The following ELK4 variants were observed in gnomAD, a reference collection of about 807,000 sequenced individuals.
ELK4 encodes ETS domain-containing protein Elk-4.
ELK4 carries 16 observed loss-of-function variants against 29.6 expected under a neutral mutation model. The observed-to-expected ratio is 0.54, with a 90% confidence interval of 0.37 to 0.82. ELK4 has a LOEUF of 0.82. Ranked by LOEUF, ELK4 falls within the 40% of genes least tolerant of loss-of-function variation. The pLI is 0.00. For synonymous variants in ELK4, 213 were observed against 191.1 expected, an observed-to-expected ratio of 1.11 and a Z score of -0.95; for missense variants, 465 against 507.1, an observed-to-expected ratio of 0.92 and a Z score of 0.80.
chr1:205,623,404 G>A (rs999863210), intron 2 of ELK4, among the ~76,000 whole-genome samples: 2 of 151,284 alleles, frequency 1.3e-5, no homozygotes, highest in Non-Finnish European at 2.9e-5. Context: ...CCGCCTCCCG[G>A]GTTCAAACGA....
In ELK4 at chr1:205,610,403, GTCGAA is replaced by G. The variant is rs1264720762; in HGVS notation, c.*6138_*6142del. On this transcript the variant is annotated 3_prime_UTR_variant, in exon 5 of 5. Transcript: ENST00000357992. ...CCTCCACTACTGTATTCAATCCATGGTCGAATCTCTGTACTTTAGAAATACTGCTT... is the reference window on the plus strand; with the variant it reads ...CCTCCACTACTGTATTCAATCCATGGTCTCTGTACTTTAGAAATACTGCTT... The G allele has an allele frequency of 8.7e-6, 2 of 230,590 alleles. No homozygotes were observed. Among genetic ancestry groups the G allele is most frequent in the African/African-American group, 4.4e-5 (2 of 45,216 alleles). The allele number at this position is 230,590 out of a possible 1,614,324, so 14.3% of individuals were successfully genotyped here. A position where few individuals can be genotyped will look rare whatever the true frequency, so the allele number is the denominator to read the frequency against.
In ELK4 at chr1:205,623,783, T is replaced by G. The variant is rs757958948; in HGVS notation, c.100A>C (p.Lys34Gln). 1 of 1,614,122 alleles carries G rather than the reference T, an allele frequency of 6.2e-7. No homozygotes were observed. Among genetic ancestry groups the G allele is most frequent in the Non-Finnish European group, 8.5e-7 (1 of 1,180,014 alleles). The change falls in exon 2 of 5, where the codon AAG (lysine) becomes CAG (glutamine). Residue 34 changes from lysine (K) to glutamine (Q), a missense_variant. Lys to Gln is a moderately conservative substitution (Grantham distance 53). Coordinates refer to ENST00000357992, the MANE Select transcript of ELK4 (RefSeq NM_001973.4). ...GCCACCTCTTCTGCCTGCAAAAGCT[T>G]AAACTGCCCATCATTAGAGGTCCAA... Reference protein sequence around the residue: ...ICWTSNDGQFKLLQAEEVARL... With the variant: ...ICWTSNDGQFQLLQAEEVARL...
At position 205,623,728 on chromosome 1, in the gene ELK4, G is replaced by C; in HGVS notation, c.155C>G (p.Pro52Arg). ...ARLWGIRKNK[P>R]NMNYDKLSRA... ...GCTGAGTTTGTCATAATTCATGTTA[G>C]GCTTGTTCTTGCGAATCCCCCAGAG... The change falls in exon 2 of 5, where the codon CCT becomes CGT. Residue 52 changes from proline (P) to arginine (R), a missense_variant. Pro to Arg is a moderately radical substitution (Grantham distance 103). Around this residue, in one of 2 missense-constraint regions of ELK4, gnomAD observed 385 missense variants for 387.5 expected, o/e 0.99. Transcript: ENST00000357992. 6.2e-7 allele frequency: 1 copy of C among 1,614,086 alleles called. No individual in the cohort carries two copies.
At chr1:205,619,348 T>C in intron 3 of ELK4, 1 of 1,071,162 alleles carries the variant, frequency 9.3e-7, no homozygotes, top group African/African-American at 1.6e-5. Context: ...TCTTTGGTGG[T>C]AAATTCTGAG....
At chr1:205,617,248 C>A (rs1463383289) in intron 4 of ELK4, among the ~76,000 whole-genome samples, 1 of 151,962 alleles carries the variant, frequency 6.6e-6, no homozygotes, top group Non-Finnish European at 1.5e-5. Flanking sequence ...TAATTTTAAA[C>A]GTTGGCAAAA....
rs755805365 is a variant in ELK4 at position 205,620,202 on chromosome 1, T to C, written c.844A>G (p.Ile282Val). The change falls in exon 3 of 5, where the codon ATT becomes GTT. Residue 282 changes from isoleucine to valine, a missense_variant. Physicochemically the swap from Ile to Val is conservative, Grantham distance 29 (BLOSUM62 3). Coordinates refer to ENST00000357992, the MANE Select transcript of ELK4 (RefSeq NM_001973.4). Reference protein sequence around the residue: ...LSSHPDIDTDIDSVASQPMEL... With the variant: ...LSSHPDIDTDVDSVASQPMEL... ...ATTGGCTGAGAAGCCACTGAATCAA[T>C]GTCTGTGTCGATGTCTGGGTGAGAA... is the stretch of plus-strand genomic sequence containing the variant. 3.7e-6 allele frequency: 6 copies of C among 1,614,116 alleles called. No homozygotes were observed. Among genetic ancestry groups the C allele is most frequent in the Admixed American group, 1.7e-5 (1 of 60,006 alleles).
At chr1:205,627,508 CAAAAA>C (rs767901372) in intron 1 of ELK4, among the ~76,000 whole-genome samples, 1 of 119,148 alleles carries the variant, frequency 8.4e-6, no homozygotes, top group African/African-American at 3.1e-5. Flanking sequence ...GACTCCGCCT[CAAAAA>C]AAAAAAAGAA....
chr1:205,631,397 C>G (rs1330804233), intron 1 of ELK4, among the ~76,000 whole-genome samples: 1 of 63,604 alleles, frequency 1.6e-5, no homozygotes, highest in Non-Finnish European at 3.0e-5. Context: ...CTTTCGCCCA[C>G]GAGACTTCGG....
chr1:205,631,271 T>A (rs569272998), intron 1 of ELK4, among the ~76,000 whole-genome samples: 3,674 of 152,312 alleles, frequency 0.024, 162 homozygotes, highest in African/African-American at 0.083. Context: ...AGGTGCAACC[T>A]CACCGGGCCT....
intron 1 of ELK4, among the ~76,000 whole-genome samples, chr1:205,627,370 G>A (rs1670486212): frequency 2.0e-5 from 3 of 152,054 alleles, no homozygotes; most frequent in Admixed American, 6.6e-5. Flanking sequence ...TTAGCTGGGC[G>A]TGGTGGTGGG....
intron 1 of ELK4, among the ~76,000 whole-genome samples, chr1:205,629,896 T>C (rs1345717525): frequency 2.0e-5 from 3 of 151,292 alleles, no homozygotes; most frequent in African/African-American, 7.3e-5. Flanking sequence ...TTACCAAAAA[T>C]ACAAAAAATT....
chr1:205,623,350 C>G lies in ELK4; in HGVS notation c.207+326G>C, dbSNP rs180968671. ...TTTTTGAGACGGAGTCTCACTGTCA[C>G]CCAGGCTGGAGTGCAATGGCACAAT... On this transcript the variant is annotated intron_variant, in intron 2 of 4. Transcript: ENST00000357992. 4.4e-3 allele frequency among the ~76,000 whole-genome samples: 650 copies of G among 148,304 alleles called. 3 individuals are homozygous for G. The highest frequency in any genetic ancestry group is 0.016 in the African/African-American group (624 of 39,964).
chr1:205,616,308 A>G lies in ELK4; in HGVS notation c.*238T>C, dbSNP rs1575120793. ...GAAAAGGAAGGAAGGAAAGAAAAAG[A>G]AAAGGAAAAGACAGAGGGAGGTGGA... On this transcript the variant is annotated 3_prime_UTR_variant, in exon 5 of 5. Coordinates refer to ENST00000357992, the MANE Select transcript of ELK4 (RefSeq NM_001973.4). The G allele has an allele frequency of 2.6e-6, 1 of 391,258 alleles. No homozygotes were observed. The highest frequency in any genetic ancestry group is 3.5e-5 in the East Asian group (1 of 28,194). 24.2% of individuals were successfully genotyped at this position (391,258 alleles called of 1,614,324 possible). A position where few individuals can be genotyped will look rare whatever the true frequency, so the allele number is the denominator to read the frequency against.
chr1:205,631,103 C>T (rs992786312), intron 1 of ELK4, among the ~76,000 whole-genome samples: 26 of 152,224 alleles, frequency 1.7e-4, no homozygotes, highest in African/African-American at 6.3e-4. Context: ...AGCCTCGATG[C>T]AGCTGTGCAC....
rs369067229 is a variant in ELK4 at position 205,620,570 on chromosome 1, T to C, written c.476A>G (p.Asn159Ser). Residue 159 changes from asparagine (N) to serine (S), a missense_variant, in exon 3 of 5, where the codon AAT becomes AGT. Around this residue, in one of 2 missense-constraint regions of ELK4, gnomAD observed 385 missense variants for 387.5 expected, o/e 0.99. Coordinates refer to ENST00000357992, the MANE Select transcript of ELK4 (RefSeq NM_001973.4). ...SFTLNSLNSS[N>S]VKLFKLIKTE... Reference sequence around the variant, plus strand: ...CTTTATCAATTTGAAAAGCTTTACATTGGAGGAGTTCAAAGAGTTGAGAGT... The same window carrying C: ...CTTTATCAATTTGAAAAGCTTTACACTGGAGGAGTTCAAAGAGTTGAGAGT... The C allele has an allele frequency of 1.1e-5, 18 of 1,614,020 alleles. No individual in the cohort carries two copies. The highest frequency in any genetic ancestry group is 3.3e-5 in the Admixed American group (2 of 60,000).
chr1:205,624,023 G>T, intron 1 of ELK4, 132 bp from the exon 2 acceptor site: 1 of 790,290 alleles, frequency 1.3e-6, no homozygotes, highest in Non-Finnish European at 2.0e-6. Flanking sequence ...AGATACTACT[G>T]CATCCTCATT....
At chr1:205,622,532 A>G (rs1670371083) in intron 2 of ELK4, among the ~76,000 whole-genome samples, 1 of 151,936 alleles carries the variant, frequency 6.6e-6, no homozygotes, top group South Asian at 2.1e-4. Context: ...CACTGGGACT[A>G]CAGGTGTACA....
In ELK4 at chr1:205,614,254, A is replaced by G. The variant is rs1344492928; in HGVS notation, c.*2292T>C. The G allele has an allele frequency of 4.5e-6, 1 of 221,192 alleles. No homozygotes were observed. Among genetic ancestry groups the G allele is most frequent in the Non-Finnish European group, 9.0e-6 (1 of 110,596 alleles). The allele number at this position is 221,192 out of a possible 1,614,324, so 13.7% of individuals were successfully genotyped here. ...TACCTCTGTGCTGAGACAGTTAATT[A>G]TTAAAAATACTGTCTGTGAAAACAA... On this transcript the variant is annotated 3_prime_UTR_variant, in exon 5 of 5. Coordinates refer to ENST00000357992, the MANE Select transcript of ELK4 (RefSeq NM_001973.4).
At position 205,613,518 on chromosome 1, in the gene ELK4, T is replaced by C. The variant is rs1262805400; in HGVS notation, c.*3028A>G. The C allele has an allele frequency of 5.4e-6, 1 of 183,746 alleles. No individual in the cohort carries two copies. Among genetic ancestry groups the C allele is most frequent in the Admixed American group, 6.2e-5 (1 of 16,006 alleles). 11.4% of individuals were successfully genotyped at this position (183,746 alleles called of 1,614,324 possible). Reference sequence around the variant, plus strand: ...ACTGGCTCTGAGCCAACTGTGCACATCCTTTCTGAACTCTAAGGTGGTAGC... The same window carrying C: ...ACTGGCTCTGAGCCAACTGTGCACACCCTTTCTGAACTCTAAGGTGGTAGC... On this transcript the variant is annotated 3_prime_UTR_variant, in exon 5 of 5. Coordinates refer to ENST00000357992, the MANE Select transcript of ELK4 (RefSeq NM_001973.4).
Sources: gnomAD v4.1 joint callset for allele counts (sites outside exome capture counted in the v4.1 genomes callset) on GRCh38, gnomAD v4.1.1 for gene constraint, gnomAD v4.1.1 regional missense constraint, MANE v1.5 for transcripts, NCBI Gene and HGNC (gene_info 2026-07-23, HGNC 2026-07-21) for gene names.